The following MAGEA12 variants were observed in gnomAD, a reference collection of about 807,000 sequenced individuals.
MAGEA12 encodes melanoma-associated antigen 12.
For synonymous variants in MAGEA12, 135 were observed against 104.7 expected, an observed-to-expected ratio of 1.29 and a Z score of -1.77; for missense variants, 235 against 240.1, an observed-to-expected ratio of 0.98 and a Z score of 0.14.
At chrX:152,735,844 G>A (rs1286706509) in intron 2 of MAGEA12, among the ~76,000 whole-genome samples, 2 of 112,043 alleles carry the variant, frequency 1.8e-5, no homozygotes, top group African/African-American at 6.5e-5. Flanking sequence ...CCAGGAATCA[G>A]GAGTTCCAAG....
rs1932335402 is a variant in MAGEA12 at position 152,736,784 on chromosome X, T to A, written c.623T>A (p.Ile208Lys). The A allele has an allele frequency of 8.3e-7, 1 of 1,210,051 alleles. No homozygotes were observed. Among genetic ancestry groups the A allele is most frequent in the Admixed American group, 2.2e-5 (1 of 45,794 alleles). ...GGCCTCCTGATAATCGTCCTGGCCA[T>A]AATCGCAAAAGAGGGCGACTGTGCC... ...KTGLLIIVLA[I>K]IAKEGDCAPE... The change falls in exon 3 of 3, where the codon ATA becomes AAA. Residue 208 changes from isoleucine to lysine, a missense_variant. By Grantham distance (102) the Ile-to-Lys change is moderately radical. Coordinates refer to ENST00000393869, the MANE Select transcript of MAGEA12 (RefSeq NM_001166387.4).
rs782149495 is a variant in MAGEA12, at chrX:152,736,167, A to G, written c.6A>G (p.Pro2=). Residue 2 remains proline (P), a synonymous_variant, in exon 3 of 3, where the codon CCA becomes CCG. Transcript: ENST00000393869. ...CTGCCCTGACCAGAGTCATCATGCC[A>G]CTTGAGCAGAGGAGTCAGCACTGCA... M[P]LEQRSQHCKP... The G allele has an allele frequency of 1.7e-6, 2 of 1,211,060 alleles. No individual in the cohort carries two copies. Among genetic ancestry groups the G allele is most frequent in the Non-Finnish European group, 2.2e-6 (2 of 895,161 alleles).
In MAGEA12 at chrX:152,736,593, G is replaced by T. The variant is rs782076671; in HGVS notation, c.432G>T (p.Gln144His). 1 of 1,211,783 alleles carries T rather than the reference G, an allele frequency of 8.3e-7. No individual in the cohort carries two copies. The highest frequency in any genetic ancestry group is 1.8e-5 in the South Asian group (1 of 56,973). ...EMLGSVIRNF[Q>H]DFFPVIFSKA... ...TGGGGAGTGTCATCAGAAATTTCCAGGACTTCTTTCCTGTGATCTTCAGCA... is the reference window on the plus strand; with the variant it reads ...TGGGGAGTGTCATCAGAAATTTCCATGACTTCTTTCCTGTGATCTTCAGCA... The change falls in exon 3 of 3, where the codon CAG becomes CAT. Residue 144 changes from glutamine to histidine, a missense_variant. By Grantham distance (24) the Gln-to-His change is conservative. Coordinates refer to ENST00000393869, the MANE Select transcript of MAGEA12 (RefSeq NM_001166387.4).
chrX:152,735,933 A>G (rs781788092), intron 2 of MAGEA12, among the ~76,000 whole-genome samples, 154 bp from the exon 3 acceptor site: 6 of 112,659 alleles, frequency 5.3e-5, no homozygotes, highest in East Asian at 5.6e-4. Context: ...GCCAACACTG[A>G]AGGTTTGCCT....
intron 1 of MAGEA12, chrX:152,734,115 C>G (rs1389519645): frequency 9.5e-6 from 1 of 104,934 alleles, no homozygotes; most frequent in East Asian, 3.2e-4. Flanking sequence ...GGTCAGGACC[C>G]CAAGAGGGGA....
chrX:152,736,462 C>G lies in MAGEA12; in HGVS notation c.301C>G (p.Leu101Val). Residue 101 changes from leucine (L) to valine (V), a missense_variant, in exon 3 of 3, where the codon CTG (leucine) becomes GTG (valine). Physicochemically the swap from Leu to Val is conservative, Grantham distance 32. Transcript: ENST00000393869. The stretch of plus-strand genomic sequence containing the variant: ...GGAAGGGCCAAGCACCTTTCCTGAC[C>G]TGGAGACGAGCTTCCAAGTAGCACT... ...EQEGPSTFPD[L>V]ETSFQVALSR... 8.3e-7 allele frequency: 1 copy of G among 1,211,930 alleles called. No individual in the cohort carries two copies.
chrX:152,736,656 G>C lies in MAGEA12; in HGVS notation c.495G>C (p.Glu165Asp). 8.3e-7 allele frequency: 1 copy of C among 1,212,113 alleles called. No individual in the cohort carries two copies. The highest frequency in any genetic ancestry group is 1.1e-6 in the Non-Finnish European group (1 of 895,627). ...SEYLQLVFGIEVVEVVRIGHL... is the reference protein window; with the variant it reads ...SEYLQLVFGIDVVEVVRIGHL... ...ACTTGCAGCTGGTCTTTGGCATCGA[G>C]GTGGTGGAAGTGGTCCGCATCGGCC... The change falls in exon 3 of 3, where the codon GAG becomes GAC. Residue 165 changes from glutamate to aspartate, a missense_variant. Coordinates refer to ENST00000393869, the MANE Select transcript of MAGEA12 (RefSeq NM_001166387.4).
chrX:152,734,331 G>A (rs782103473), intron 1 of MAGEA12, among the ~76,000 whole-genome samples: 3 of 111,484 alleles, frequency 2.7e-5, no homozygotes, highest in South Asian at 7.6e-4. Context: ...GGCCAAGCAC[G>A]CGGATCCTGA....
At position 152,736,489 on chromosome X, in the gene MAGEA12, A is replaced by T. The variant is rs1932328223; in HGVS notation, c.328A>T (p.Ser110Cys). Residue 110 changes from serine to cysteine, a missense_variant, in exon 3 of 3, where the codon AGT becomes TGT. Ser to Cys is a moderately radical substitution (Grantham distance 112). Coordinates refer to ENST00000393869, the MANE Select transcript of MAGEA12 (RefSeq NM_001166387.4). Reference sequence around the variant, plus strand: ...GGAGACGAGCTTCCAAGTAGCACTCAGTAGGAAGATGGCTGAGTTGGTTCA... The same window carrying T: ...GGAGACGAGCTTCCAAGTAGCACTCTGTAGGAAGATGGCTGAGTTGGTTCA... ...DLETSFQVAL[S>C]RKMAELVHFL... The T allele has an allele frequency of 8.3e-7, 1 of 1,210,338 alleles. No individual in the cohort carries two copies. Among genetic ancestry groups the T allele is most frequent in the East Asian group, 3.0e-5 (1 of 33,777 alleles).
Position 152,737,479 on chromosome X carries a change from A to G in MAGEA12, c.*373A>G, listed in dbSNP as rs1932355237. The G allele has an allele frequency of 6.3e-6, 2 of 318,796 alleles. No homozygotes were observed. The highest frequency in any genetic ancestry group is 9.0e-5 in the East Asian group (1 of 11,110). The allele number at this position is 318,796 out of a possible 1,213,427, so 26.3% of individuals were successfully genotyped here. A position where few individuals can be genotyped will look rare whatever the true frequency, so the allele number is the denominator to read the frequency against. On this transcript the variant is annotated 3_prime_UTR_variant, in exon 3 of 3. Transcript: ENST00000393869. ...GAATTGTGACAAATAACAGCAGTGGAAAAAGTATGTGCTTAGAATTGTGAA... is the reference window on the plus strand; with the variant it reads ...GAATTGTGACAAATAACAGCAGTGGGAAAAGTATGTGCTTAGAATTGTGAA...
chrX:152,733,904 AG>A lies in MAGEA12; in HGVS notation c.-182+48del, dbSNP rs1337126004. 6.5e-4 allele frequency: 72 copies of A among 110,266 alleles called. 1 individual carries two copies. Among genetic ancestry groups the A allele is most frequent in the African/African-American group, 2.2e-3 (67 of 30,256 alleles). The allele number at this position is 110,266 out of a possible 1,213,427, so 9.1% of individuals were successfully genotyped here. On this transcript the variant is annotated intron_variant, in intron 1 of 2. Coordinates refer to ENST00000393869, the MANE Select transcript of MAGEA12 (RefSeq NM_001166387.4). ...CTGAGGCGGGCCTCACCCCAGACAG[AG>A]GGCCCCCAATAATCCAGCGCTGCCT...
At position 152,737,641 on chromosome X, in the gene MAGEA12, T is replaced by C. The variant is rs1162042934; in HGVS notation, c.*535T>C. ...TGGATATCCTTGGCTTCTTTGAGAA[T>C]TTAAGAGAAATTAAATCTGAATAAA... On this transcript the variant is annotated 3_prime_UTR_variant, in exon 3 of 3. Transcript: ENST00000393869. The C allele has an allele frequency of 1.1e-5, 2 of 188,605 alleles. No homozygotes were observed. Among genetic ancestry groups the C allele is most frequent in the African/African-American group, 3.1e-5 (1 of 32,522 alleles). 15.5% of individuals were successfully genotyped at this position (188,605 alleles called of 1,213,427 possible).
Position 152,737,051 on chromosome X carries a change from C to T in MAGEA12, c.890C>T (p.Pro297Leu). Residue 297 changes from proline to leucine, a missense_variant, in exon 3 of 3, where the codon CCT becomes CTT. Transcript: ENST00000393869. ...LHHLLKISGGPHISYPPLHEW... is the reference protein window; with the variant it reads ...LHHLLKISGGLHISYPPLHEW... The stretch of plus-strand genomic sequence containing the variant: ...CATTTGCTAAAGATCAGTGGAGGAC[C>T]TCACATTTCCTACCCACCCCTGCAT... 8.3e-7 allele frequency: 1 copy of T among 1,211,692 alleles called. No individual in the cohort carries two copies. Among genetic ancestry groups the T allele is most frequent in the South Asian group, 1.8e-5 (1 of 56,976 alleles).
rs782614304 is a variant in MAGEA12, at chrX:152,737,067, A to G, written c.906A>G (p.Pro302=). Residue 302 remains proline (P), a synonymous_variant, in exon 3 of 3, where the codon CCA becomes CCG. Transcript: ENST00000393869. Reference sequence around the variant, plus strand: ...GTGGAGGACCTCACATTTCCTACCCACCCCTGCATGAATGGGCTTTTAGAG... The same window carrying G: ...GTGGAGGACCTCACATTTCCTACCCGCCCCTGCATGAATGGGCTTTTAGAG... ...KISGGPHISY[P]PLHEWAFREG... is the part of the protein sequence containing the mutation. 11 of 1,208,725 alleles carry G rather than the reference A, an allele frequency of 9.1e-6. No homozygotes were observed. The Admixed American group carries it at 2.4e-4, about 26-fold the overall frequency.
Position 152,737,222 on chromosome X carries a change from C to G in MAGEA12, c.*116C>G. 1.3e-6 allele frequency: 1 copy of G among 741,999 alleles called. No individual in the cohort carries two copies. Among genetic ancestry groups the G allele is most frequent in the Non-Finnish European group, 2.1e-6 (1 of 479,984 alleles). 61.1% of individuals were successfully genotyped at this position (741,999 alleles called of 1,213,427 possible). A position where few individuals can be genotyped will look rare whatever the true frequency, so the allele number is the denominator to read the frequency against. On this transcript the variant is annotated 3_prime_UTR_variant, in exon 3 of 3. Coordinates refer to ENST00000393869, the MANE Select transcript of MAGEA12 (RefSeq NM_001166387.4). Reference sequence around the variant, plus strand: ...TGTGACATGAGGCCCATTCTTCACTCTTTGAAGAGAGCAGTCAGTATTGTT... The same window carrying G: ...TGTGACATGAGGCCCATTCTTCACTGTTTGAAGAGAGCAGTCAGTATTGTT...
intron 1 of MAGEA12, among the ~76,000 whole-genome samples, chrX:152,734,278 A>G (rs781890588): frequency 2.8e-5 from 3 of 108,865 alleles, no homozygotes; most frequent in Non-Finnish European, 5.7e-5. Flanking sequence ...GCAGAATCGG[A>G]GCTTTGCCCC....
At chrX:152,735,958 G>A in intron 2 of MAGEA12, 129 bp from the exon 3 acceptor site, 2 of 454,820 alleles carry the variant, frequency 4.4e-6, no homozygotes, top group Non-Finnish European at 3.8e-6. Context: ...TGCACACCAA[G>A]GGCCGCACCG....
chrX:152,735,411 A>C (rs1932290982), intron 2 of MAGEA12, among the ~76,000 whole-genome samples, 158 bp downstream of exon 2: 1 of 111,914 alleles, frequency 8.9e-6, no homozygotes, highest in African/African-American at 3.3e-5. Flanking sequence ...ATGTCAGGGA[A>C]AGGGAGGCCT....
chrX:152,737,639 A>T lies in MAGEA12; in HGVS notation c.*533A>T, dbSNP rs1556225328. Reference sequence around the variant, plus strand: ...CCTGGATATCCTTGGCTTCTTTGAGAATTTAAGAGAAATTAAATCTGAATA... The same window carrying T: ...CCTGGATATCCTTGGCTTCTTTGAGTATTTAAGAGAAATTAAATCTGAATA... On this transcript the variant is annotated 3_prime_UTR_variant, in exon 3 of 3. Coordinates refer to ENST00000393869, the MANE Select transcript of MAGEA12 (RefSeq NM_001166387.4). 2 of 186,320 alleles carry T rather than the reference A, an allele frequency of 1.1e-5. No homozygotes were observed. Among genetic ancestry groups the T allele is most frequent in the African/African-American group, 6.2e-5 (2 of 32,405 alleles). 15.4% of individuals were successfully genotyped at this position (186,320 alleles called of 1,213,427 possible).
Sources: gnomAD v4.1 joint callset for allele counts (sites outside exome capture counted in the v4.1 genomes callset) on GRCh38, gnomAD v4.1.1 for gene constraint, MANE v1.5 for transcripts, NCBI Gene and HGNC (gene_info 2026-07-23, HGNC 2026-07-21) for gene names.